PHKA2: variants seen among roughly 807,000 people sequenced by gnomAD.
PHKA2 encodes phosphorylase b kinase regulatory subunit alpha, liver isoform.
In PHKA2, 31 loss-of-function variants were observed where a neutral mutation model predicts 102.0. The observed-to-expected ratio is 0.30, with a 90% CI of 0.23 to 0.41. The LOEUF is 0.41. Among genes scored for constraint, PHKA2 ranks in the 10% least tolerant of loss-of-function variants. The probability of loss-of-function intolerance (pLI) is 1.00; values close to 1 mark genes in which losing one functional copy is unlikely to be tolerated. For missense variants in PHKA2, 858 were observed against 1,023.1 expected, an observed-to-expected ratio of 0.84 and a Z score of 2.20; for synonymous variants, 455 against 416.2, an observed-to-expected ratio of 1.09 and a Z score of -1.13.
chrX:18,893,389 C>CTGAT lies in PHKA2; in HGVS notation c.*92_*95dup, dbSNP rs1322127700. The CTGAT allele has an allele frequency of 1.1e-6, 1 of 885,738 alleles. No homozygotes were observed. Among genetic ancestry groups the CTGAT allele is most frequent in the East Asian group, 3.1e-5 (1 of 32,193 alleles). The allele number at this position is 885,738 out of a possible 1,213,427, so 73.0% of individuals were successfully genotyped here. A position where few individuals can be genotyped will look rare whatever the true frequency, so the allele number is the denominator to read the frequency against. ...AGTGTTTCTGATGGGACATGCTTTC[C>CTGAT]TGATAGCACAGGGGATCTTGGGGGA... On this transcript the variant is annotated 3_prime_UTR_variant, in exon 33 of 33. Coordinates refer to ENST00000379942, the MANE Select transcript of PHKA2 (RefSeq NM_000292.3).
rs111441241 is a variant in PHKA2 at position 18,920,453 on chromosome X, C to A, written c.1794-252G>T. ...CTGACTTCTTACTCCCAACCCAACA[C>A]AAATACGACTCTATTTTACTGAACC... is the stretch of plus-strand genomic sequence containing the variant. On this transcript the variant is annotated intron_variant, in intron 17 of 32. Coordinates refer to ENST00000379942, the MANE Select transcript of PHKA2 (RefSeq NM_000292.3). Among the ~76,000 whole-genome samples, 538 of 112,381 alleles carry A rather than the reference C, an allele frequency of 4.8e-3. 6 individuals carry two copies. The highest frequency in any genetic ancestry group is 0.016 in the African/African-American group (504 of 30,969).
rs772438785 is a variant in PHKA2, at chrX:18,905,814, A to G, written c.2852T>C (p.Met951Thr). The G allele has an allele frequency of 3.3e-6, 4 of 1,208,035 alleles. No individual in the cohort carries two copies. In the South Asian group the frequency reaches 5.3e-5, roughly 16 times the overall value. The change falls in exon 26 of 33, where the codon ATG (methionine) becomes ACG (threonine). Residue 951 changes from methionine to threonine, a missense_variant. Physicochemically the swap from Met to Thr is moderately conservative, Grantham distance 81. This residue lies in a region of PHKA2 where 671 missense variants were observed against 745.2 expected (regional missense o/e 0.90). Transcript: ENST00000379942. Reference sequence around the variant, plus strand: ...TAGAATATGGTGCAGGAGATTTTTCATATCGAAAGGGCTGAGGTTCATCAA... The same window carrying G: ...TAGAATATGGTGCAGGAGATTTTTCGTATCGAAAGGGCTGAGGTTCATCAA... ...ESLMNLSPFD[M>T]KNLLHHILSG...
At chrX:18,901,777 C>A (rs188539905) in intron 26 of PHKA2, among the ~76,000 whole-genome samples, 174 bp from the exon 27 acceptor site, 1 of 109,929 alleles carries the variant, frequency 9.1e-6, no homozygotes, top group East Asian at 2.9e-4. Flanking sequence ...AAGGAGTAAA[C>A]GGAAGTGTGC....
Position 18,894,362 on chromosome X carries a change from C to T in PHKA2, c.3379G>A (p.Val1127Met), listed in dbSNP as rs751062951. The T allele has an allele frequency of 8.3e-7, 1 of 1,211,818 alleles. No individual in the cohort carries two copies. The highest frequency in any genetic ancestry group is 3.0e-5 in the East Asian group (1 of 33,858). The change falls in exon 32 of 33, where the codon GTG (valine) becomes ATG (methionine). Residue 1127 changes from valine to methionine, a missense_variant. By Grantham distance (21) the Val-to-Met change is conservative. Coordinates refer to ENST00000379942, the MANE Select transcript of PHKA2 (RefSeq NM_000292.3). ...TCGGGCTGCGGCACGCGGTTCAGCA[C>T]CGATTCGACATGGACAGCAAACTTG... ...EIKFAVHVES[V>M]LNRVPQPEYR...
At chrX:18,927,666 C>A (rs1387637674) in intron 13 of PHKA2, among the ~76,000 whole-genome samples, 3 of 111,962 alleles carry the variant, frequency 2.7e-5, no homozygotes, top group Admixed American at 1.9e-4. Flanking sequence ...CTGACCTTCA[C>A]AACAAGCCCC....
chrX:18,937,477 T>C (rs1435161752), intron 10 of PHKA2, among the ~76,000 whole-genome samples: 1 of 111,391 alleles, frequency 9.0e-6, no homozygotes, highest in African/African-American at 3.3e-5. Flanking sequence ...CCCATGCTGT[T>C]ATAGTTGTGG....
chrX:18,980,636 C>T lies in PHKA2; in HGVS notation c.78+3219G>A, dbSNP rs186540250. On this transcript the variant is annotated intron_variant, in intron 1 of 32. Coordinates refer to ENST00000379942, the MANE Select transcript of PHKA2 (RefSeq NM_000292.3). ...CCCCACTATCACCCTGTTCTCCTGC[C>T]GCATTCCCCTTGCTGAGATAGTGAA... Among the ~76,000 whole-genome samples, 378 of 111,756 alleles carry T rather than the reference C, an allele frequency of 3.4e-3. 1 individual carries two copies. The highest frequency in any genetic ancestry group is 0.011 in the African/African-American group (350 of 30,729).
At chrX:18,979,619 C>A (rs1400646912) in intron 1 of PHKA2, among the ~76,000 whole-genome samples, 1 of 111,543 alleles carries the variant, frequency 9.0e-6, no homozygotes, top group African/African-American at 3.3e-5. Flanking sequence ...TTTACAAAAT[C>A]AAACCTGCAA....
rs180786830 is a variant in PHKA2 at position 18,978,451 on chromosome X, C to T, written c.78+5404G>A. Among the ~76,000 whole-genome samples, 57 of 112,041 alleles carry T rather than the reference C, an allele frequency of 5.1e-4. 1 individual carries two copies. The highest frequency in any genetic ancestry group is 1.7e-3 in the African/African-American group (53 of 30,808). On this transcript the variant is annotated intron_variant, in intron 1 of 32. Coordinates refer to ENST00000379942, the MANE Select transcript of PHKA2 (RefSeq NM_000292.3). Reference sequence around the variant, plus strand: ...TCCAGAGGCCTGGCGCGGTGGCTCACGCCTATAATCCCAGCACTTTGAGAG... The same window carrying T: ...TCCAGAGGCCTGGCGCGGTGGCTCATGCCTATAATCCCAGCACTTTGAGAG...
chrX:18,893,653 C>T lies in PHKA2; in HGVS notation c.3540G>A (p.Val1180=). ...CCAGGGTGTCCATGGCACCAATTGACACCTGCAGTAGGAAAGGGCAGAGGG... is the reference window on the plus strand; with the variant it reads ...CCAGGGTGTCCATGGCACCAATTGATACCTGCAGTAGGAAAGGGCAGAGGG... ...MASQLFLQDQ[V]SIGAMDTLEK... Residue 1180 remains valine, a splice_region_variant and synonymous_variant, in exon 33 of 33, where the codon GTG becomes GTA. Coordinates refer to ENST00000379942, the MANE Select transcript of PHKA2 (RefSeq NM_000292.3). 1 of 1,209,183 alleles carries T rather than the reference C, an allele frequency of 8.3e-7. No homozygotes were observed. The highest frequency in any genetic ancestry group is 1.1e-6 in the Non-Finnish European group (1 of 893,021).
intron 2 of PHKA2, among the ~76,000 whole-genome samples, chrX:18,953,706 G>A: frequency 8.9e-6 from 1 of 112,373 alleles, no homozygotes; most frequent in South Asian, 3.7e-4. Context: ...TGTGGATGCA[G>A]CCAGGTGCGG....
intron 1 of PHKA2, among the ~76,000 whole-genome samples, chrX:18,976,728 C>T (rs1162072156): frequency 9.0e-6 from 1 of 111,652 alleles, no homozygotes; most frequent in Non-Finnish European, 1.9e-5. Flanking sequence ...TGGTTTCAGG[C>T]ACCCACAGGG....
chrX:18,969,120 A>C lies in PHKA2; in HGVS notation c.79-14708T>G, dbSNP rs371491476. ...AAGAGAGAAACTCTGTATATTTAAA[A>C]AAAAAAAAAAAAGTTTCCCCAAAAT... is the stretch of plus-strand genomic sequence containing the variant. On this transcript the variant is annotated intron_variant, in intron 1 of 32. Transcript: ENST00000379942. Among the ~76,000 whole-genome samples, 14 of 107,448 alleles carry C rather than the reference A, an allele frequency of 1.3e-4. 1 individual carries two copies. The East Asian group carries it at 1.7e-3, about 13-fold the overall frequency. The allele number at this position is 107,448 out of a possible 115,157, so 93.3% of individuals were successfully genotyped here.
chrX:18,893,979 G>A (rs1425874022), intron 32 of PHKA2: 1 of 465,137 alleles, frequency 2.1e-6, no homozygotes, highest in East Asian at 3.7e-5. Flanking sequence ...TGCAAGTGGT[G>A]GTGTTTGGAC....
rs773311606 is a variant in PHKA2, at chrX:18,951,031, C to T, written c.454+73G>A. On this transcript the variant is annotated intron_variant, in intron 4 of 32. Transcript: ENST00000379942. ...AGCACATGGCCTGACACACTGGCCG[C>T]TACCTGTCCTCCTCCCACCCCTTTT... 2.1e-4 allele frequency: 222 copies of T among 1,050,988 alleles called. 1 individual carries two copies. The Middle Eastern group carries it at 2.8e-3, about 13-fold the overall frequency. 86.6% of individuals were successfully genotyped at this position (1,050,988 alleles called of 1,213,427 possible). A position where few individuals can be genotyped will look rare whatever the true frequency, so the allele number is the denominator to read the frequency against.
At chrX:18,904,981 CAG>C (rs1483543755) in intron 26 of PHKA2, among the ~76,000 whole-genome samples, 1 of 111,652 alleles carries the variant, frequency 9.0e-6, no homozygotes, top group Non-Finnish European at 1.9e-5. Flanking sequence ...CAGATAAAAA[CAG>C]AGTGAGCGAG....
chrX:18,921,363 T>G (rs1457804024), intron 17 of PHKA2, among the ~76,000 whole-genome samples: 1 of 110,566 alleles, frequency 9.0e-6, no homozygotes, highest in African/African-American at 3.3e-5. Flanking sequence ...GAGGTGGAGG[T>G]TGCAGTGAGC....
intron 17 of PHKA2, 31 bp from the exon 18 acceptor site, chrX:18,920,232 G>C (rs757681653): frequency 1.4e-6 from 1 of 701,278 alleles, no homozygotes; most frequent in Non-Finnish European, 2.3e-6. Context: ...TAGGGACACA[G>C]GTAGTGTGTG....
chrX:18,969,996 T>C (rs944251454), intron 1 of PHKA2, among the ~76,000 whole-genome samples: 2 of 112,033 alleles, frequency 1.8e-5, no homozygotes, highest in Non-Finnish European at 3.8e-5. Context: ...CCCCAGCACT[T>C]TGGGAGGCTG....
Sources: allele counts gnomAD v4.1 joint callset (sites outside exome capture counted in the v4.1 genomes callset), GRCh38; gene constraint gnomAD v4.1.1; regional missense constraint gnomAD v4.1.1; transcripts MANE v1.5; gene names NCBI Gene and HGNC (gene_info 2026-07-23, HGNC 2026-07-21).